The following BPTF variants were observed in gnomAD, a reference collection of about 807,000 sequenced individuals.
BPTF encodes nucleosome-remodeling factor subunit BPTF.
BPTF carries 18 observed loss-of-function variants against 292.5 expected under a neutral mutation model. That is an observed-to-expected ratio of 0.06 (90% confidence interval 0.04 to 0.09). The LOEUF (loss-of-function observed/expected upper bound fraction) is 0.09. BPTF is among the 10% of genes least tolerant of loss of function. The probability of loss-of-function intolerance (pLI) is 1.00; values close to 1 mark genes in which losing one functional copy is unlikely to be tolerated. For missense variants in BPTF, 2,726 were observed against 3,498.7 expected, an observed-to-expected ratio of 0.78 and a Z score of 5.57; for synonymous variants, 1,225 against 1,251.9, an observed-to-expected ratio of 0.98 and a Z score of 0.45.
intron 4 of BPTF, among the ~76,000 whole-genome samples, chr17:67,891,002 C>T (rs573690547): frequency 2.1e-4 from 32 of 152,086 alleles, no homozygotes; most frequent in Admixed American, 5.9e-4. Flanking sequence ...GGCAATATGG[C>T]GAAACCCCAT....
At chr17:67,952,054 CAAAAAAAAAAAA>C (rs56099409) in intron 23 of BPTF, among the ~76,000 whole-genome samples, 3 of 71,364 alleles carry the variant, frequency 4.2e-5, no homozygotes, top group Non-Finnish European at 7.5e-5. Context: ...GACTCTGTCT[CAAAAAAAAAAAA>C]AAAAAAAAAA....
In BPTF at chr17:67,911,457, A is replaced by G; in HGVS notation, c.3573A>G (p.Glu1191=). Residue 1191 remains glutamate, a synonymous_variant, in exon 11 of 28, where the codon GAA becomes GAG. Coordinates refer to ENST00000306378, the MANE Select transcript of BPTF (RefSeq NM_182641.4). ...KQNSIENDIE[E]KVSDLASRGQ... is the part of the protein sequence containing the mutation. ...ATTCCATTGAAAATGACATAGAAGA[A>G]AAAGTCTCTGACCTTGCCAGTAGAG... The G allele has an allele frequency of 6.2e-7, 1 of 1,614,186 alleles. No individual in the cohort carries two copies. Among genetic ancestry groups the G allele is most frequent in the Non-Finnish European group, 8.5e-7 (1 of 1,180,018 alleles).
chr17:67,906,304 C>G (rs1476628815), intron 9 of BPTF, among the ~76,000 whole-genome samples: 1 of 152,086 alleles, frequency 6.6e-6, no homozygotes, highest in Admixed American at 6.6e-5. Flanking sequence ...TGGTCTCAAT[C>G]TCTTGACTTT....
chr17:67,830,425 C>G (rs575239829), intron 1 of BPTF, among the ~76,000 whole-genome samples: 2 of 152,336 alleles, frequency 1.3e-5, no homozygotes, highest in East Asian at 3.9e-4. Flanking sequence ...CAAATTCAAG[C>G]AGAATTTGTC....
At chr17:67,943,777 A>C (rs913832251) in intron 19 of BPTF, among the ~76,000 whole-genome samples, 1 of 152,250 alleles carries the variant, frequency 6.6e-6, no homozygotes, top group Non-Finnish European at 1.5e-5. Context: ...GGCAGTATCT[A>C]TGAAGATGCT....
At chr17:67,879,973 C>CT in intron 4 of BPTF, among the ~76,000 whole-genome samples, 1 of 152,266 alleles carries the variant, frequency 6.6e-6, no homozygotes, top group South Asian at 2.1e-4. Context: ...GGACAAACAT[C>CT]TAAACTATCC....
intron 2 of BPTF, among the ~76,000 whole-genome samples, chr17:67,856,519 G>A (rs1339520305): frequency 6.6e-6 from 1 of 152,194 alleles, no homozygotes; most frequent in African/African-American, 2.4e-5. Flanking sequence ...TAACATTGTG[G>A]TACTATGTAG....
chr17:67,937,184 G>A (rs1482479810), intron 18 of BPTF, among the ~76,000 whole-genome samples: 2 of 152,110 alleles, frequency 1.3e-5, no homozygotes, highest in East Asian at 1.9e-4. Context: ...GGCCGGGCGC[G>A]ATAGCTCACG....
At chr17:67,981,278 G>A (rs2070322912) in intron 27 of BPTF, among the ~76,000 whole-genome samples, 1 of 152,154 alleles carries the variant, frequency 6.6e-6, no homozygotes, top group Non-Finnish European at 1.5e-5. Context: ...AACATAACTA[G>A]CCAGTTATTG....
intron 19 of BPTF, 129 bp downstream of exon 19, chr17:67,940,785 G>A (rs1568127801): frequency 4.8e-6 from 5 of 1,031,204 alleles, no homozygotes; most frequent in Non-Finnish European, 7.0e-6. Flanking sequence ...GCTTCCTGGA[G>A]TCAAGCAGAA....
intron 2 of BPTF, among the ~76,000 whole-genome samples, chr17:67,857,238 T>G (rs2058749797): frequency 1.4e-5 from 2 of 147,858 alleles, no homozygotes. Flanking sequence ...CTCGGCTTAC[T>G]GCAAGCTCCG....
At chr17:67,902,508 T>C (rs1806616951) in intron 7 of BPTF, among the ~76,000 whole-genome samples, 1 of 152,176 alleles carries the variant, frequency 6.6e-6, no homozygotes, top group East Asian at 1.9e-4. Context: ...TTGAGTACAT[T>C]AGCTCCCAGT....
intron 1 of BPTF, among the ~76,000 whole-genome samples, chr17:67,837,734 C>A (rs1161269063): frequency 6.6e-6 from 1 of 152,100 alleles, no homozygotes; most frequent in Non-Finnish European, 1.5e-5. Context: ...TTAACTTTTT[C>A]TAGAATCTAC....
chr17:67,877,679 C>T (rs1055333041), intron 4 of BPTF, among the ~76,000 whole-genome samples: 5 of 152,028 alleles, frequency 3.3e-5, no homozygotes, highest in African/African-American at 9.7e-5. Context: ...AGTACAGTGA[C>T]GTGATCATGG....
At chr17:67,924,449 C>T (rs1167366399) in intron 14 of BPTF, 98 bp from the exon 15 acceptor site, 2 of 1,223,734 alleles carry the variant, frequency 1.6e-6, no homozygotes, top group Admixed American at 2.1e-5. Flanking sequence ...TAATATCATA[C>T]CTTTGTATGA....
chr17:67,838,166 C>T (rs2057278792), intron 1 of BPTF, among the ~76,000 whole-genome samples: 9 of 152,190 alleles, frequency 5.9e-5, no homozygotes, highest in Admixed American at 5.9e-4. Flanking sequence ...CAGCCATAGA[C>T]AATAAGTAAA....
chr17:67,981,098 G>T (rs529004217), intron 27 of BPTF, among the ~76,000 whole-genome samples: 1 of 152,330 alleles, frequency 6.6e-6, no homozygotes, highest in East Asian at 1.9e-4. Context: ...GGTTGAGGCT[G>T]CAGTGAGCTG....
Position 67,826,250 on chromosome 17 carries a change from C to G in BPTF, c.526C>G (p.Pro176Ala). The G allele has an allele frequency of 1.2e-6, 2 of 1,613,504 alleles. No homozygotes were observed. Among genetic ancestry groups the G allele is most frequent in the Non-Finnish European group, 1.7e-6 (2 of 1,179,716 alleles). The change falls in exon 1 of 28, where the codon CCG (proline) becomes GCG (alanine). Residue 176 changes from proline to alanine, a missense_variant. Coordinates refer to ENST00000306378, the MANE Select transcript of BPTF (RefSeq NM_182641.4). ...AGAGGACGACGATGACTCCGATTATCCGGAGGAGATGGAAGACGACGACGA... is the reference window on the plus strand; with the variant it reads ...AGAGGACGACGATGACTCCGATTATGCGGAGGAGATGGAAGACGACGACGA... Reference protein sequence around the residue: ...MEEDDDDSDYPEEMEDDDDDA... With the variant: ...MEEDDDDSDYAEEMEDDDDDA...
At chr17:67,975,089 A>G (rs1243179603) in intron 26 of BPTF, 2 of 152,210 alleles carry the variant, frequency 1.3e-5, no homozygotes, top group Admixed American at 1.3e-4. Context: ...GGAGATTCCA[A>G]CCGTGTTAGG....
Sources: allele counts gnomAD v4.1 joint callset (sites outside exome capture counted in the v4.1 genomes callset), GRCh38; gene constraint gnomAD v4.1.1; transcripts MANE v1.5; gene names NCBI Gene and HGNC (gene_info 2026-07-23, HGNC 2026-07-21).